The following CEP152 variants were observed in gnomAD, a reference collection of about 807,000 sequenced individuals.
CEP152 encodes the protein centrosomal protein 152, also known as centrosomal protein of 152 kDa.
A neutral mutation model predicts 188.9 loss-of-function variants in CEP152; 132 were observed. The ratio of observed to expected loss-of-function variants is 0.70; its 90% CI spans 0.61 to 0.81. CEP152 has a LOEUF of 0.81. Among genes scored for constraint, CEP152 ranks in the 30% least tolerant of loss-of-function variants. CEP152 has a pLI of 0.00. For missense variants in CEP152, 1,914 were observed against 1,969.8 expected (o/e 0.97, Z 0.54); for synonymous variants, 649 against 666.6 (o/e 0.97, Z 0.41).
At chr15:48,763,363 C>A (rs1042212134) in intron 17 of CEP152, among the ~76,000 whole-genome samples, 2 of 152,160 alleles carry the variant, frequency 1.3e-5, no homozygotes, top group Non-Finnish European at 2.9e-5. Flanking sequence ...CAATTAATAG[C>A]CATTTTGTAG....
At chr15:48,785,475 T>C (rs1257996742) in intron 9 of CEP152, among the ~76,000 whole-genome samples, 1 of 152,014 alleles carries the variant, frequency 6.6e-6, no homozygotes, top group African/African-American at 2.4e-5. Flanking sequence ...AATGAGCTCA[T>C]ATTAATGACA....
At chr15:48,782,271 G>C in intron 10 of CEP152, 41 bp from the exon 11 acceptor site, 1 of 1,554,548 alleles carries the variant, frequency 6.4e-7, no homozygotes, top group Non-Finnish European at 8.9e-7. Context: ...AAAAAATTAA[G>C]GGGACAAAGT....
chr15:48,777,549 C>T (rs1333993028), intron 12 of CEP152, among the ~76,000 whole-genome samples: 1 of 150,076 alleles, frequency 6.7e-6, no homozygotes, highest in South Asian at 2.1e-4. Context: ...ATTAGGTAGG[C>T]TTTTTAATGT....
Position 48,811,025 on chromosome 15 carries a change from G to C in CEP152, c.-72C>G, listed in dbSNP as rs1898304400. 6.6e-6 allele frequency: 1 copy of C among 152,510 alleles called. No homozygotes were observed. The highest frequency in any genetic ancestry group is 2.4e-5 in the African/African-American group (1 of 41,480). The allele number at this position is 152,510 out of a possible 1,614,324, so 9.4% of individuals were successfully genotyped here. A position where few individuals can be genotyped will look rare whatever the true frequency, so the allele number is the denominator to read the frequency against. ...CCTGGCGGAAGACCAACTTCTAGCA[G>C]ATCCCCTTACCCTGGCTCTAGTCCA... On this transcript the variant is annotated 5_prime_UTR_variant, in exon 1 of 27. In the 5' UTR this introduces an upstream ATG that the reference lacks. Coordinates refer to ENST00000380950, the MANE Select transcript of CEP152 (RefSeq NM_001194998.2).
At chr15:48,800,776 T>C (rs1897621508) in intron 2 of CEP152, among the ~76,000 whole-genome samples, 1 of 152,154 alleles carries the variant, frequency 6.6e-6, no homozygotes, top group East Asian at 1.9e-4. Context: ...AATTTGCCAC[T>C]CTAAGGCTTC....
intron 19 of CEP152, among the ~76,000 whole-genome samples, chr15:48,758,183 C>G (rs1218041028): frequency 6.6e-6 from 1 of 152,168 alleles, no homozygotes; most frequent in African/African-American, 2.4e-5. Flanking sequence ...ACCACTGAAC[C>G]AACTTAACTA....
chr15:48,764,930 G>C (rs1402461801), intron 17 of CEP152, among the ~76,000 whole-genome samples: 1 of 151,412 alleles, frequency 6.6e-6, no homozygotes, highest in Non-Finnish European at 1.5e-5. Flanking sequence ...AGCTACCCCA[G>C]AAGTGCCCTC....
intron 2 of CEP152, among the ~76,000 whole-genome samples, chr15:48,730,406 G>A (rs1444319789): frequency 6.6e-6 from 1 of 152,192 alleles, no homozygotes. Flanking sequence ...AAATTAACAG[G>A]AAGAAAGTCT....
chr15:48,747,873 TAGA>T (rs1330771464), intron 22 of CEP152, among the ~76,000 whole-genome samples: 1 of 152,186 alleles, frequency 6.6e-6, no homozygotes, highest in East Asian at 1.9e-4. Context: ...ATGAATGGAC[TAGA>T]AGGAGGCCAG....
intron 22 of CEP152, among the ~76,000 whole-genome samples, chr15:48,745,359 T>C (rs748058659): frequency 6.6e-6 from 1 of 152,142 alleles, no homozygotes; most frequent in Non-Finnish European, 1.5e-5. Flanking sequence ...TAAACGATCA[T>C]TGAACATGCA....
At chr15:48,748,753 TAGAG>T (rs1893665043) in intron 21 of CEP152, 143 bp from the exon 22 acceptor site, 6 of 909,004 alleles carry the variant, frequency 6.6e-6, no homozygotes, top group African/African-American at 3.5e-5. Context: ...ATGCTTAAGA[TAGAG>T]AGACATGGGT....
At chr15:48,776,632 C>A (rs1595659266) in intron 12 of CEP152, among the ~76,000 whole-genome samples, 1 of 152,206 alleles carries the variant, frequency 6.6e-6, no homozygotes, top group East Asian at 1.9e-4. Context: ...CTGGTTCATT[C>A]ATCTACATAG....
chr15:48,768,865 T>G, intron 14 of CEP152, 91 bp downstream of exon 14: 1 of 955,652 alleles, frequency 1.0e-6, no homozygotes, highest in Admixed American at 2.4e-5. Context: ...TAACTCACAT[T>G]GCCTCTTTAT....
At chr15:48,734,267 G>A (rs529707611), downstream of CEP152, among the ~76,000 whole-genome samples, 1 of 150,498 alleles carries the variant, frequency 6.6e-6, no homozygotes, top group Non-Finnish European at 1.5e-5. Flanking sequence ...CAAAGGAGGG[G>A]CAAGGAAATG....
intron 17 of CEP152, among the ~76,000 whole-genome samples, chr15:48,763,945 A>T (rs897886471): frequency 1.3e-5 from 2 of 152,200 alleles, no homozygotes; most frequent in Non-Finnish European, 2.9e-5. Flanking sequence ...ATGAAATCAG[A>T]TCATGGTTTC....
downstream of CEP152, among the ~76,000 whole-genome samples, chr15:48,736,602 T>C (rs1892611764): frequency 6.6e-6 from 1 of 152,174 alleles, no homozygotes; most frequent in Non-Finnish European, 1.5e-5. Context: ...TTTATCATAA[T>C]AGAATTAGGT....
chr15:48,778,688 G>T (rs1190810721), intron 12 of CEP152, among the ~76,000 whole-genome samples: 1 of 152,154 alleles, frequency 6.6e-6, no homozygotes, highest in African/African-American at 2.4e-5. Flanking sequence ...GGTGGCTGAA[G>T]CCTGTAATCC....
intron 9 of CEP152, among the ~76,000 whole-genome samples, chr15:48,784,837 T>C (rs899060562): frequency 6.6e-6 from 1 of 152,216 alleles, no homozygotes; most frequent in Non-Finnish European, 1.5e-5. Context: ...ACATAAAATA[T>C]AGAGTGTGTA....
chr15:48,764,025 G>C (rs896126605), intron 17 of CEP152, among the ~76,000 whole-genome samples: 2 of 152,130 alleles, frequency 1.3e-5, no homozygotes, highest in Non-Finnish European at 2.9e-5. Context: ...GTCAAGAGGT[G>C]GCTAAATTCC....
Sources: gnomAD v4.1 joint callset for allele counts (sites outside exome capture counted in the v4.1 genomes callset) on GRCh38, gnomAD v4.1.1 for gene constraint, MANE v1.5 for transcripts, NCBI Gene and HGNC (gene_info 2026-07-23, HGNC 2026-07-21) for gene names.